Variants in NF2 observed in about 807,000 individuals in gnomAD.
NF2 encodes NF2, moesin-ezrin-radixin like (MERLIN) tumor suppressor.
A neutral mutation model predicts 83.7 loss-of-function variants in NF2; 8 were observed. The observed-to-expected ratio is 0.10, with a 90% confidence interval of 0.06 to 0.17. NF2 has a LOEUF of 0.17. Among genes scored for constraint, NF2 ranks in the 10% least tolerant of loss-of-function variants. The pLI is 1.00. For synonymous variants in NF2, 266 were observed against 269.6 expected (o/e 0.99, Z 0.13); for missense variants, 533 against 744.4 (o/e 0.72, Z 3.31).
chr22:29,613,879 C>T (rs960465970), intron 1 of NF2, among the ~76,000 whole-genome samples: 1 of 151,484 alleles, frequency 6.6e-6, no homozygotes, highest in Non-Finnish European at 1.5e-5. Flanking sequence ...CCTGCCTCAG[C>T]CTCCTGAGTA....
At chr22:29,648,763 T>G (rs972161820) in intron 4 of NF2, among the ~76,000 whole-genome samples, 2 of 152,196 alleles carry the variant, frequency 1.3e-5, no homozygotes, top group African/African-American at 4.8e-5. Flanking sequence ...CTAATTTTTG[T>G]GTTTTTTGTA....
chr22:29,695,330 CCCAGAG>C lies in NF2; in HGVS notation c.*530_*535del. On this transcript the variant is annotated 3_prime_UTR_variant, in exon 16 of 16. Coordinates refer to ENST00000338641, the MANE Select transcript of NF2 (RefSeq NM_000268.4). The surrounding 1 kb of genome is among the most constrained non-coding windows in gnomAD (Gnocchi z 5.4). ...CGGCTTCTCATCGTCAGGGAGCCCGCCCAGAGCTCGTGACGAGCAAGTGCTGGGTCC... is the reference window on the plus strand; with the variant it reads ...CGGCTTCTCATCGTCAGGGAGCCCGCCTCGTGACGAGCAAGTGCTGGGTCC... The C allele has an allele frequency of 3.7e-6, 1 of 268,652 alleles. No individual in the cohort carries two copies. The highest frequency in any genetic ancestry group is 7.3e-6 in the Non-Finnish European group (1 of 137,852). The allele number at this position is 268,652 out of a possible 1,614,324, so 16.6% of individuals were successfully genotyped here.
intron 1 of NF2, among the ~76,000 whole-genome samples, chr22:29,604,688 G>C (rs1601517447): frequency 1.3e-5 from 2 of 152,122 alleles, no homozygotes; most frequent in East Asian, 3.8e-4. Flanking sequence ...GTGGGGTTTT[G>C]AACCAAGCTC....
At chr22:29,653,066 T>C (rs1257943681) in intron 4 of NF2, among the ~76,000 whole-genome samples, 2 of 152,234 alleles carry the variant, frequency 1.3e-5, no homozygotes, top group Non-Finnish European at 2.9e-5. Flanking sequence ...ATTACAGGCA[T>C]GAGCCATGGT....
At chr22:29,624,799 C>CTCTTTCTTTCTTTCTT (rs57743070) in intron 1 of NF2, among the ~76,000 whole-genome samples, 1 of 116,636 alleles carries the variant, frequency 8.6e-6, no homozygotes, top group South Asian at 3.2e-4. Context: ...TTGAAGGGTC[C>CTCTTTCTTTCTTTCTT]TCTTTCTTTC....
At chr22:29,681,053 T>C (rs1404713179) in intron 14 of NF2, among the ~76,000 whole-genome samples, 1 of 150,284 alleles carries the variant, frequency 6.7e-6, no homozygotes, top group Non-Finnish European at 1.5e-5. Context: ...TCTTTCCTTT[T>C]CTTTTTTTTT....
chr22:29,603,621 C>T (rs965231896), upstream of NF2: 4 of 401,522 alleles, frequency 1.0e-5, no homozygotes, highest in African/African-American at 2.1e-5. Flanking sequence ...GCGCCCGATG[C>T]AGCGCGGCCC....
intron 3 of NF2, 21 bp downstream of exon 3, chr22:29,639,233 C>T (rs2146873658): frequency 6.2e-7 from 1 of 1,613,814 alleles, no homozygotes; most frequent in South Asian, 1.1e-5. Context: ...CAAGGCTACC[C>T]CCCAGTTCTG....
At chr22:29,652,043 C>T (rs2066163199) in intron 4 of NF2, among the ~76,000 whole-genome samples, 1 of 152,108 alleles carries the variant, frequency 6.6e-6, no homozygotes, top group Non-Finnish European at 1.5e-5. Flanking sequence ...AAATGCTTAC[C>T]TGTATTGTTT....
At position 29,644,705 on chromosome 22, in the gene NF2, G is replaced by A. The variant is rs1215869538; in HGVS notation, c.447+2420G>A. 4.6e-5 allele frequency among the ~76,000 whole-genome samples: 7 copies of A among 152,354 alleles called. No homozygotes were observed. The East Asian group carries it at 7.7e-4, about 17-fold the overall frequency. On this transcript the variant is annotated intron_variant, in intron 4 of 15. Transcript: ENST00000338641. Reference sequence around the variant, plus strand: ...AGGCCGAGGCTGGCGGATCACTCGCGGTTAGGAGCTGGAGACCGGCCCGGC... The same window carrying A: ...AGGCCGAGGCTGGCGGATCACTCGCAGTTAGGAGCTGGAGACCGGCCCGGC...
chr22:29,692,550 T>G (rs2067434637), intron 15 of NF2, among the ~76,000 whole-genome samples: 1 of 152,178 alleles, frequency 6.6e-6, no homozygotes, highest in Admixed American at 6.5e-5. Flanking sequence ...GGAGCCAACA[T>G]TGCACAAATG....
At chr22:29,667,713 G>A (rs2066666084) in intron 9 of NF2, among the ~76,000 whole-genome samples, 1 of 152,172 alleles carries the variant, frequency 6.6e-6, no homozygotes, top group Admixed American at 6.5e-5. Flanking sequence ...ATATCTTCCA[G>A]TTTGTTGCTC....
In NF2 at chr22:29,674,930, C is replaced by T. The variant is rs768587800; in HGVS notation, c.1435C>T (p.Pro479Ser). The change falls in exon 13 of 16, where the codon CCC becomes TCC. Residue 479 changes from proline to serine, a missense_variant. By Grantham distance (74) the Pro-to-Ser change is moderately conservative (BLOSUM62 -1). This residue lies in a region of NF2 where 199 missense variants were observed against 240.7 expected (regional missense o/e 0.83). Coordinates refer to ENST00000338641, the MANE Select transcript of NF2 (RefSeq NM_000268.4). ...GAAGCTCCTGGAGATTGCCACCAAGCCCACGTACCCGGTGAGCCTGGGGGC... is the reference window on the plus strand; with the variant it reads ...GAAGCTCCTGGAGATTGCCACCAAGTCCACGTACCCGGTGAGCCTGGGGGC... ...KQKLLEIATKPTYPPMNPIPA... is the reference protein window; with the variant it reads ...KQKLLEIATKSTYPPMNPIPA... 7.0e-6 allele frequency: 11 copies of T among 1,566,828 alleles called. No homozygotes were observed. Among genetic ancestry groups the T allele is most frequent in the Non-Finnish European group, 9.5e-6 (11 of 1,155,010 alleles).
intron 3 of NF2, among the ~76,000 whole-genome samples, chr22:29,640,825 T>C (rs73159064): frequency 1.3e-5 from 2 of 152,220 alleles, no homozygotes; most frequent in Non-Finnish European, 2.9e-5. Flanking sequence ...TTATTTCTGA[T>C]GTTTGCAGAT....
At chr22:29,693,521 C>A (rs966368983) in intron 15 of NF2, among the ~76,000 whole-genome samples, 2 of 152,164 alleles carry the variant, frequency 1.3e-5, no homozygotes, top group African/African-American at 2.4e-5. Flanking sequence ...GCCGATAGTA[C>A]CGAGGACTCT....
intron 15 of NF2, chr22:29,683,714 G>A (rs1365906425): frequency 5.6e-6 from 6 of 1,071,680 alleles, no homozygotes; most frequent in Non-Finnish European, 6.8e-6. Context: ...CCTCTCCATA[G>A]GCTGAGCAGA....
At chr22:29,609,355 T>A (rs1279973884) in intron 1 of NF2, 1 of 627,072 alleles carries the variant, frequency 1.6e-6, no homozygotes, top group Non-Finnish European at 3.1e-6. Flanking sequence ...GTGGAATAGA[T>A]CCTGACACTG....
intron 9 of NF2, among the ~76,000 whole-genome samples, chr22:29,665,990 G>C (rs2066611951): frequency 6.6e-6 from 1 of 152,038 alleles, no homozygotes; most frequent in African/African-American, 2.4e-5. Flanking sequence ...TCTAAATGCT[G>C]TCAAGTATAT....
rs569891468 is a variant in NF2, at chr22:29,660,644, A to G, written c.676-561A>G. 3.3e-5 allele frequency among the ~76,000 whole-genome samples: 5 copies of G among 152,258 alleles called. No homozygotes were observed. In the East Asian group the frequency reaches 7.7e-4, roughly 24 times the overall value. ...GAGTGCCGGGGCACCATCTCAGCTC[A>G]CTGCAGCCTTCTGGGTTCAACCAGT... On this transcript the variant is annotated intron_variant, in intron 7 of 15. Coordinates refer to ENST00000338641, the MANE Select transcript of NF2 (RefSeq NM_000268.4).
Sources: gnomAD v4.1 joint callset for allele counts (sites outside exome capture counted in the v4.1 genomes callset) on GRCh38, gnomAD v4.1.1 for gene constraint, gnomAD v4.1.1 regional missense constraint, Gnocchi (gnomAD v3.1) non-coding constraint, MANE v1.5 for transcripts, NCBI Gene and HGNC (gene_info 2026-07-23, HGNC 2026-07-21) for gene names.